Variants in RELL1 observed in about 807,000 individuals in gnomAD.
The protein encoded by RELL1 is RELT-like protein 1.
RELL1 carries 10 observed loss-of-function variants against 23.0 expected under a neutral mutation model. That is an observed-to-expected ratio of 0.43 (90% CI 0.27 to 0.74). RELL1 has a LOEUF of 0.74. Among genes scored for constraint, RELL1 ranks in the 30% least tolerant of loss-of-function variants. RELL1 has a pLI of 0.19. For missense variants in RELL1, 315 were observed against 364.4 expected (o/e 0.86, Z 1.10); for synonymous variants, 146 against 146.8 (o/e 0.99, Z 0.04).
At chr4:37,614,086 A>G (rs7684702) in intron 6 of RELL1, among the ~76,000 whole-genome samples, 150,296 of 152,332 alleles carry the variant, frequency 0.99, 74,178 homozygotes, top group East Asian at 1. Flanking sequence ...CCCTATAAAC[A>G]CTAAACAAAA....
chr4:37,612,333 A>AAC lies in RELL1; in HGVS notation c.*1012_*1013insGT, dbSNP rs1719424641. On this transcript the variant is annotated 3_prime_UTR_variant, in exon 7 of 7. Coordinates refer to ENST00000454158, the MANE Select transcript of RELL1 (RefSeq NM_001085400.2). ...GCTCAGCTAAAGGTTAAAAAAAAAA[A>AAC]AAAAACAAAAAAAAACAAAAAACCG... 1.7e-4 allele frequency among the ~76,000 whole-genome samples: 4 copies of AAC among 24,096 alleles called. No individual in the cohort carries two copies. Among genetic ancestry groups the AAC allele is most frequent in the Non-Finnish European group, 6.4e-4 (3 of 4,674 alleles). 15.8% of individuals were successfully genotyped at this position (24,096 alleles called of 152,430 possible).
At chr4:37,598,349 A>G (rs1718933187) in intron 6 of RELL1, among the ~76,000 whole-genome samples, 1 of 150,422 alleles carries the variant, frequency 6.6e-6, no homozygotes, top group South Asian at 2.1e-4. Context: ...TAATTTGCCA[A>G]ATATTAACGT....
intron 6 of RELL1, among the ~76,000 whole-genome samples, chr4:37,622,330 T>G (rs1167186102): frequency 6.6e-6 from 1 of 152,232 alleles, no homozygotes; most frequent in Non-Finnish European, 1.5e-5. Flanking sequence ...AAGGACATAG[T>G]GAACACTGAT....
intron 1 of RELL1, among the ~76,000 whole-genome samples, chr4:37,656,860 T>C (rs949427792): frequency 6.6e-6 from 1 of 152,242 alleles, no homozygotes; most frequent in Non-Finnish European, 1.5e-5. Context: ...GATATGGCTA[T>C]CCAATCTTGG....
At chr4:37,652,891 T>A (rs1439750670) in intron 1 of RELL1, among the ~76,000 whole-genome samples, 1 of 152,198 alleles carries the variant, frequency 6.6e-6, no homozygotes, top group Non-Finnish European at 1.5e-5. Context: ...AGCTCAGACC[T>A]GGCAGAAATA....
At chr4:37,635,515 T>A (rs1416429715) in intron 4 of RELL1, among the ~76,000 whole-genome samples, 1 of 152,078 alleles carries the variant, frequency 6.6e-6, no homozygotes, top group Non-Finnish European at 1.5e-5. Flanking sequence ...TAGTCCCAGC[T>A]ACTTGGGAGG....
intron 6 of RELL1, among the ~76,000 whole-genome samples, chr4:37,598,194 G>A (rs1399582920): frequency 1.1e-5 from 1 of 88,148 alleles, no homozygotes; most frequent in Admixed American, 1.6e-4. Flanking sequence ...ACCCAAACTA[G>A]ATAACAAAAG....
At chr4:37,594,370 A>T (rs1016544649) in intron 6 of RELL1, among the ~76,000 whole-genome samples, 3 of 152,218 alleles carry the variant, frequency 2.0e-5, no homozygotes, top group Non-Finnish European at 4.4e-5. Flanking sequence ...TGTGGACAAT[A>T]TGAAAGCACA....
intron 3 of RELL1, among the ~76,000 whole-genome samples, chr4:37,643,480 C>T (rs1266650596): frequency 1.3e-5 from 2 of 152,098 alleles, no homozygotes; most frequent in Admixed American, 6.5e-5. Context: ...CAAATGTTTA[C>T]GGATGCATGA....
chr4:37,664,137 G>A (rs1406401025), intron 1 of RELL1, among the ~76,000 whole-genome samples: 1 of 152,074 alleles, frequency 6.6e-6, no homozygotes, highest in East Asian at 1.9e-4. Flanking sequence ...CAGCACTTTG[G>A]GAGGCCGAGG....
chr4:37,623,035 C>T (rs959263107), intron 6 of RELL1: 11 of 346,316 alleles, frequency 3.2e-5, no homozygotes, highest in African/African-American at 1.3e-4. Context: ...GAACTCCTGA[C>T]CTCATGATCT....
At chr4:37,682,007 T>G (rs1418178502) in intron 1 of RELL1, among the ~76,000 whole-genome samples, 1 of 152,190 alleles carries the variant, frequency 6.6e-6, no homozygotes, top group Non-Finnish European at 1.5e-5. Context: ...ATCAAACAGA[T>G]CTGACTCAAT....
At chr4:37,613,612 T>A (rs1429722225) in intron 6 of RELL1, among the ~76,000 whole-genome samples, 1 of 152,206 alleles carries the variant, frequency 6.6e-6, no homozygotes, top group Non-Finnish European at 1.5e-5. Context: ...CTCTTGCTCC[T>A]GCTTTTCCCA....
chr4:37,624,525 G>C (rs1223802996), intron 6 of RELL1, among the ~76,000 whole-genome samples: 1 of 148,868 alleles, frequency 6.7e-6, no homozygotes, highest in Non-Finnish European at 1.5e-5. Context: ...CCAGGTTCAC[G>C]CCATTCTCCT....
Position 37,612,636 on chromosome 4 carries a change from C to CAAAAAAA in RELL1, c.*703_*709dup, listed in dbSNP as rs978165271. 5.0e-5 allele frequency among the ~76,000 whole-genome samples: 3 copies of CAAAAAAA among 60,142 alleles called. No individual in the cohort carries two copies. The highest frequency in any genetic ancestry group is 1.7e-4 in the African/African-American group (3 of 17,960). The allele number at this position is 60,142 out of a possible 152,430, so 39.5% of individuals were successfully genotyped here. On this transcript the variant is annotated 3_prime_UTR_variant, in exon 7 of 7. Coordinates refer to ENST00000454158, the MANE Select transcript of RELL1 (RefSeq NM_001085400.2). ...TAGGGGACACAGCGAGACTCTGCCTCAAAAAAAAAAAAAAAAAAACCTTCT... is the reference window on the plus strand; with the variant it reads ...TAGGGGACACAGCGAGACTCTGCCTCAAAAAAAAAAAAAAAAAAAAAAAAAACCTTCT...
At chr4:37,674,817 A>G (rs991921518) in intron 1 of RELL1, among the ~76,000 whole-genome samples, 1 of 152,192 alleles carries the variant, frequency 6.6e-6, no homozygotes, top group Non-Finnish European at 1.5e-5. Context: ...ACATCTACGC[A>G]TGGGGAAGGA....
At chr4:37,643,255 T>C (rs1449288963) in intron 3 of RELL1, among the ~76,000 whole-genome samples, 1 of 151,786 alleles carries the variant, frequency 6.6e-6, no homozygotes, top group African/African-American at 2.4e-5. Context: ...TGTGTGAGGA[T>C]GGAGACAACC....
intron 6 of RELL1, among the ~76,000 whole-genome samples, chr4:37,602,931 C>T (rs1719053450): frequency 6.6e-6 from 1 of 152,166 alleles, no homozygotes; most frequent in Non-Finnish European, 1.5e-5. Context: ...CACAAGCTCC[C>T]AGGTGAGAAA....
At chr4:37,605,879 AGGAAAGAAAG>A (rs1719199250), downstream of RELL1, among the ~76,000 whole-genome samples, 1 of 143,242 alleles carries the variant, frequency 7.0e-6, no homozygotes, top group Middle Eastern at 3.2e-3. Context: ...AAAGGAAAGA[AGGAAAGAAAG>A]AGAAAGAAAG....
Sources: gnomAD v4.1 joint callset for allele counts (sites outside exome capture counted in the v4.1 genomes callset) on GRCh38, gnomAD v4.1.1 for gene constraint, MANE v1.5 for transcripts, NCBI Gene and HGNC (gene_info 2026-07-23, HGNC 2026-07-21) for gene names.